CCDC60: variants seen among roughly 807,000 people sequenced by gnomAD.
The protein encoded by CCDC60 is coiled-coil domain-containing protein 60.
In CCDC60, 54 loss-of-function variants were observed where a neutral mutation model predicts 63.5. The observed-to-expected ratio is 0.85, with a 90% CI of 0.68 to 1.07. The LOEUF (loss-of-function observed/expected upper bound fraction) is 1.07, where lower values mean the gene tolerates loss of function less well. CCDC60 is among the 50% of genes least tolerant of loss of function. The pLI is 0.00. For synonymous variants in CCDC60, 206 were observed against 238.8 expected (o/e 0.86, Z 1.27); for missense variants, 651 against 684.3 (o/e 0.95, Z 0.54).
intron 13 of CCDC60, among the ~76,000 whole-genome samples, chr12:119,540,279 C>T (rs182147369): frequency 3.1e-4 from 47 of 152,264 alleles, no homozygotes; most frequent in African/African-American, 7.7e-4. Context: ...AAACCAAAAA[C>T]GTTTAACAAC....
chr12:119,504,470 TCCC>T (rs1479586408), intron 6 of CCDC60, among the ~76,000 whole-genome samples: 1 of 152,132 alleles, frequency 6.6e-6, no homozygotes, highest in Non-Finnish European at 1.5e-5. Context: ...CCGTGGCTCC[TCCC>T]CCAAGAATGC....
At chr12:119,538,377 G>A (rs1426025124) in intron 13 of CCDC60, among the ~76,000 whole-genome samples, 1 of 152,234 alleles carries the variant, frequency 6.6e-6, no homozygotes, top group African/African-American at 2.4e-5. Context: ...CTTCCTGGGT[G>A]AGGCGATACC....
In CCDC60 at chr12:119,480,692, T is replaced by C. The variant is rs575060376; in HGVS notation, c.449+1491T>C. Among the ~76,000 whole-genome samples the C allele has an allele frequency of 2.5e-4, 37 of 146,980 alleles. No homozygotes were observed. The South Asian group carries it at 7.9e-3, about 31-fold the overall frequency. ...ATCATCACCATCATCCTCACCACCATTATCATCACCATCATCCTCACCACC... is the reference window on the plus strand; with the variant it reads ...ATCATCACCATCATCCTCACCACCACTATCATCACCATCATCCTCACCACC... On this transcript the variant is annotated intron_variant, in intron 4 of 13. Coordinates refer to ENST00000327554, the MANE Select transcript of CCDC60 (RefSeq NM_178499.5).
At chr12:119,414,525 T>A (rs1419579360) in intron 1 of CCDC60, among the ~76,000 whole-genome samples, 1 of 152,054 alleles carries the variant, frequency 6.6e-6, no homozygotes, top group Non-Finnish European at 1.5e-5. Context: ...AAGTTTTTTG[T>A]CTTGTTTTGG....
chr12:119,397,373 GTTTTACAGAGAGCTGATTGGTCCA>G (rs1340833737), intron 1 of CCDC60, among the ~76,000 whole-genome samples: 6 of 152,122 alleles, frequency 3.9e-5, no homozygotes, highest in Middle Eastern at 3.4e-3. Flanking sequence ...TGATTGGTCC[GTTTTACAGAGAGCTGATTGGTCCA>G]TTTTGATAGA....
intron 1 of CCDC60, among the ~76,000 whole-genome samples, chr12:119,376,635 T>G (rs186696442): frequency 6.6e-6 from 1 of 151,754 alleles, no homozygotes. Context: ...CTCAAAAAAA[T>G]AAAATAAAAT....
intron 7 of CCDC60, among the ~76,000 whole-genome samples, chr12:119,506,029 TA>T (rs1281383339): frequency 6.6e-6 from 1 of 152,188 alleles, no homozygotes. Flanking sequence ...TTACATACCA[TA>T]AAATTCGCTT....
At position 119,491,462 on chromosome 12, in the gene CCDC60, G is replaced by T. The variant is rs191526580; in HGVS notation, c.557+2596G>T. Among the ~76,000 whole-genome samples the T allele has an allele frequency of 2.1e-3, 324 of 152,234 alleles. 2 individuals carry two copies. The highest frequency in any genetic ancestry group is 7.6e-3 in the African/African-American group (315 of 41,530). On this transcript the variant is annotated intron_variant, in intron 5 of 13. Transcript: ENST00000327554. ...TCCTGCCTCAGCCTCCTGAGCAGCT[G>T]GGACTACAGGTGCCCGCCACCACGC...
chr12:119,455,498 C>G (rs1364211898), intron 2 of CCDC60, among the ~76,000 whole-genome samples: 1 of 152,114 alleles, frequency 6.6e-6, no homozygotes, highest in Non-Finnish European at 1.5e-5. Flanking sequence ...GATAGTTTTA[C>G]CCAAACCTTG....
chr12:119,353,074 G>T (rs1183291191), intron 1 of CCDC60, among the ~76,000 whole-genome samples: 1 of 152,126 alleles, frequency 6.6e-6, no homozygotes, highest in Non-Finnish European at 1.5e-5. Flanking sequence ...AGGGTGGAGT[G>T]GGGGTGAGGG....
At chr12:119,538,466 T>C (rs1369569455) in intron 13 of CCDC60, among the ~76,000 whole-genome samples, 1 of 152,174 alleles carries the variant, frequency 6.6e-6, no homozygotes, top group Non-Finnish European at 1.5e-5. Flanking sequence ...GGTACCTCAG[T>C]TGGAAATGCA....
chr12:119,417,038 T>C (rs1956712677), intron 1 of CCDC60, among the ~76,000 whole-genome samples: 1 of 152,112 alleles, frequency 6.6e-6, no homozygotes, highest in South Asian at 2.1e-4. Flanking sequence ...GGAGAATTGC[T>C]TAAACCTGGA....
Position 119,334,772 on chromosome 12 carries a change from C to A in CCDC60, c.-405C>A, listed in dbSNP as rs1047108018. On this transcript the variant is annotated 5_prime_UTR_variant, in exon 1 of 14. Coordinates refer to ENST00000327554, the MANE Select transcript of CCDC60 (RefSeq NM_178499.5). ...CGTTGGGGCCGCCTTAGTTCTCGGCCGCTCTCGGAGGATGGCGATCTGGGA... is the reference window on the plus strand; with the variant it reads ...CGTTGGGGCCGCCTTAGTTCTCGGCAGCTCTCGGAGGATGGCGATCTGGGA... The A allele has an allele frequency of 1.3e-5, 2 of 153,272 alleles. No individual in the cohort carries two copies. Among genetic ancestry groups the A allele is most frequent in the African/African-American group, 4.8e-5 (2 of 41,406 alleles). 9.5% of individuals were successfully genotyped at this position (153,272 alleles called of 1,614,324 possible).
intron 1 of CCDC60, among the ~76,000 whole-genome samples, chr12:119,403,988 CA>C (rs1956440285): frequency 6.6e-6 from 1 of 152,130 alleles, no homozygotes; most frequent in Non-Finnish European, 1.5e-5. Context: ...GAACTGTACT[CA>C]GAAGTCATTT....
intron 2 of CCDC60, among the ~76,000 whole-genome samples, chr12:119,465,794 G>A (rs886311574): frequency 2.6e-5 from 4 of 151,798 alleles, no homozygotes; most frequent in African/African-American, 9.7e-5. Context: ...GCTGCATTCT[G>A]ACTGCCTCTG....
chr12:119,500,387 C>A (rs543711905), intron 6 of CCDC60, among the ~76,000 whole-genome samples: 8 of 152,038 alleles, frequency 5.3e-5, no homozygotes, highest in Non-Finnish European at 1.2e-4. Context: ...CTGGACACTA[C>A]ATAATGGGGA....
At chr12:119,528,808 A>G (rs1952761369) in intron 12 of CCDC60, 62 bp downstream of exon 12, 1 of 1,531,052 alleles carries the variant, frequency 6.5e-7, no homozygotes, top group East Asian at 2.3e-5. Context: ...TGTTATTACA[A>G]GATCACTATT....
chr12:119,374,221 A>C (rs1049537236), intron 1 of CCDC60, among the ~76,000 whole-genome samples: 2 of 152,204 alleles, frequency 1.3e-5, no homozygotes, highest in African/African-American at 4.8e-5. Context: ...TCGTCCTTAG[A>C]TGGATAATAA....
intron 2 of CCDC60, among the ~76,000 whole-genome samples, chr12:119,468,305 T>G (rs1319729271): frequency 6.6e-6 from 1 of 150,648 alleles, no homozygotes; most frequent in East Asian, 1.9e-4. Context: ...AAATAAAAAT[T>G]TTTTAAAAAA....
Sources: allele counts gnomAD v4.1 joint callset (sites outside exome capture counted in the v4.1 genomes callset), GRCh38; gene constraint gnomAD v4.1.1; transcripts MANE v1.5; gene names NCBI Gene and HGNC (gene_info 2026-07-23, HGNC 2026-07-21).